NOTCH2: variants seen among roughly 807,000 people sequenced by gnomAD.
NOTCH2 encodes the protein neurogenic locus notch homolog protein 2.
A neutral mutation model predicts 235.8 loss-of-function variants in NOTCH2; 29 were observed. That is an observed-to-expected ratio of 0.12 (90% CI 0.09 to 0.17). The LOEUF (loss-of-function observed/expected upper bound fraction) is 0.17. Ranked by LOEUF, NOTCH2 falls within the 10% of genes least tolerant of loss-of-function variation. The pLI, the probability that NOTCH2 is intolerant of heterozygous loss-of-function variation, is 1.00. For missense variants in NOTCH2, 2,285 were observed against 3,150.2 expected, an observed-to-expected ratio of 0.73 and a Z score of 6.57; for synonymous variants, 1,086 against 1,141.5, an observed-to-expected ratio of 0.95 and a Z score of 0.98.
At chr1:120,015,146 G>C (rs1198408460) in intron 2 of NOTCH2, among the ~76,000 whole-genome samples, 1 of 152,078 alleles carries the variant, frequency 6.6e-6, no homozygotes, top group Non-Finnish European at 1.5e-5. Flanking sequence ...AAACTATACA[G>C]AATGTGGAAC....
In NOTCH2 at chr1:119,920,416, G is replaced by C; in HGVS notation, c.5311-19C>G. The C allele has an allele frequency of 6.2e-7, 1 of 1,613,944 alleles. No homozygotes were observed. Among genetic ancestry groups the C allele is most frequent in the Non-Finnish European group, 8.5e-7 (1 of 1,179,926 alleles). On this transcript the variant is annotated intron_variant, in intron 29 of 33. Coordinates refer to ENST00000256646, the MANE Select transcript of NOTCH2 (RefSeq NM_024408.4). ...CTTCAGCCTGAAAGGTGAAAACAAT[G>C]CTCCCTATCAATCTGGCCACCACCA...
intron 3 of NOTCH2, among the ~76,000 whole-genome samples, chr1:120,000,937 C>T (rs1652725510): frequency 1.3e-5 from 2 of 151,716 alleles, no homozygotes; most frequent in Admixed American, 6.6e-5. Context: ...ATTGTATCTC[C>T]CAGAATTCCC....
Position 119,950,731 on chromosome 1 carries a change from T to C in NOTCH2, c.2472A>G (p.Pro824=), listed in dbSNP as rs782057186. 28 of 1,609,528 alleles carry C rather than the reference T, an allele frequency of 1.7e-5. No individual in the cohort carries two copies. The highest frequency in any genetic ancestry group is 2.4e-5 in the Non-Finnish European group (28 of 1,175,734). The change falls in exon 15 of 34, where the codon CCA becomes CCG. Residue 824 remains proline, a synonymous_variant. Coordinates refer to ENST00000256646, the MANE Select transcript of NOTCH2 (RefSeq NM_024408.4). ...GGTACCTCCAGGACCCACCTGTGTA[T>C]GGCAGCACACAGTGGCAAGTGTAGC... is the stretch of plus-strand genomic sequence containing the variant. ...ISGYTCHCVL[P]YTGKNCQTVL...
intron 2 of NOTCH2, among the ~76,000 whole-genome samples, chr1:120,028,490 C>T (rs1653961221): frequency 6.6e-6 from 1 of 151,804 alleles, no homozygotes; most frequent in Admixed American, 6.6e-5. Context: ...CCATAATAAG[C>T]TACATAAAAC....
At chr1:119,919,761 G>T in intron 30 of NOTCH2, 148 bp from the exon 31 acceptor site, 2 of 787,148 alleles carry the variant, frequency 2.5e-6, no homozygotes, top group South Asian at 1.5e-5. Context: ...TTTCACATTT[G>T]CCACCTTTTC....
intron 1 of NOTCH2, among the ~76,000 whole-genome samples, chr1:120,067,234 C>T (rs1378419986): frequency 7.1e-6 from 1 of 141,190 alleles, no homozygotes; most frequent in Non-Finnish European, 1.5e-5. Context: ...AGATTTGTAC[C>T]GAGAAACGGC....
chr1:119,935,580 T>C lies in NOTCH2; in HGVS notation c.3547A>G (p.Asn1183Asp). ...CACTCATCCACTTCATACTCACAGT[T>C]GACACCCTGATAGCCTGGGACACAC... is the stretch of plus-strand genomic sequence containing the variant. ...CECVPGYQGV[N>D]CEYEVDECQN... Residue 1183 changes from asparagine (N) to aspartate (D), a missense_variant, in exon 22 of 34, where the codon AAC becomes GAC. Asn to Asp is a conservative substitution (Grantham distance 23). Transcript: ENST00000256646. 1 of 1,614,188 alleles carries C rather than the reference T, an allele frequency of 6.2e-7. No individual in the cohort carries two copies. The highest frequency in any genetic ancestry group is 8.5e-7 in the Non-Finnish European group (1 of 1,180,032).
intron 5 of NOTCH2, among the ~76,000 whole-genome samples, chr1:119,972,077 G>A (rs1293227768): frequency 6.8e-6 from 1 of 146,742 alleles, no homozygotes; most frequent in Non-Finnish European, 1.5e-5. Context: ...GCGAGGGAGG[G>A]AATGCGTGAG....
chr1:119,977,560 G>C (rs1651634794), intron 5 of NOTCH2, among the ~76,000 whole-genome samples: 1 of 152,188 alleles, frequency 6.6e-6, no homozygotes, highest in South Asian at 2.1e-4. Context: ...CAGGAAACTA[G>C]GGGAGAAAGA....
chr1:120,007,640 A>G (rs1172478871), intron 2 of NOTCH2, among the ~76,000 whole-genome samples: 1 of 151,868 alleles, frequency 6.6e-6, no homozygotes, highest in East Asian at 1.9e-4. Flanking sequence ...CAGTGAGCCA[A>G]CGAGATTGTG....
intron 5 of NOTCH2, among the ~76,000 whole-genome samples, chr1:119,977,918 T>C (rs1651654477): frequency 6.6e-6 from 1 of 152,174 alleles, no homozygotes; most frequent in South Asian, 2.1e-4. Context: ...GCTCTGACTA[T>C]ACACAATGGG....
Position 119,969,751 on chromosome 1 carries a change from G to T in NOTCH2, c.875-7C>A. On this transcript the variant is annotated splice_polypyrimidine_tract_variant and splice_region_variant and intron_variant, in intron 5 of 33. Transcript: ENST00000256646. ...TCCTCTGTGCAGAACTGTCCTTTTA[G>T]GGGGAAATTACTTTTGATTAGGGCT... 1 of 1,613,252 alleles carries T rather than the reference G, an allele frequency of 6.2e-7. No individual in the cohort carries two copies. Among genetic ancestry groups the T allele is most frequent in the South Asian group, 1.1e-5 (1 of 91,036 alleles).
At chr1:120,023,305 C>T (rs1428361739) in intron 2 of NOTCH2, among the ~76,000 whole-genome samples, 3 of 150,782 alleles carry the variant, frequency 2.0e-5, no homozygotes, top group South Asian at 4.3e-4. Flanking sequence ...GGCGTGGTGG[C>T]GGGCGCTTGT....
chr1:119,966,346 A>G (rs1165735861), intron 9 of NOTCH2, 30 bp downstream of exon 9: 5 of 1,487,202 alleles, frequency 3.4e-6, no homozygotes, highest in Non-Finnish European at 4.7e-6. Flanking sequence ...GTGCTTTAAG[A>G]GAAAACAGGG....
chr1:119,937,159 G>A, intron 21 of NOTCH2, 123 bp downstream of exon 21: 17 of 969,760 alleles, frequency 1.8e-5, no homozygotes, highest in Non-Finnish European at 2.5e-5. Flanking sequence ...TTATGACGGG[G>A]ATTGGTAAAA....
intron 1 of NOTCH2, among the ~76,000 whole-genome samples, chr1:120,061,260 G>C (rs1655310152): frequency 6.6e-6 from 1 of 151,216 alleles, no homozygotes; most frequent in Admixed American, 6.6e-5. Context: ...TATACCAATA[G>C]AACAACCTCT....
chr1:119,996,901 T>C, intron 4 of NOTCH2, 96 bp downstream of exon 4: 1 of 1,471,354 alleles, frequency 6.8e-7, no homozygotes, highest in South Asian at 1.2e-5. Context: ...CTTCCCTTTT[T>C]CCTTGGGCTT....
intron 22 of NOTCH2, among the ~76,000 whole-genome samples, chr1:119,934,424 C>T (rs587691103): frequency 6.6e-6 from 1 of 152,350 alleles, no homozygotes; most frequent in Admixed American, 6.5e-5. Context: ...TACAGTTTCT[C>T]AAAGGAACAA....
At chr1:119,944,364 T>C (rs1650177311) in intron 17 of NOTCH2, among the ~76,000 whole-genome samples, 1 of 151,616 alleles carries the variant, frequency 6.6e-6, no homozygotes, top group Non-Finnish European at 1.5e-5. Flanking sequence ...TGAAACCCCA[T>C]CTCTACTAAA....
Sources: gnomAD v4.1 joint callset for allele counts (sites outside exome capture counted in the v4.1 genomes callset) on GRCh38, gnomAD v4.1.1 for gene constraint, MANE v1.5 for transcripts, NCBI Gene and HGNC (gene_info 2026-07-23, HGNC 2026-07-21) for gene names.